The following TAOK3 variants were observed in gnomAD, a reference collection of about 807,000 sequenced individuals.
The protein encoded by TAOK3 is TAO kinase 3.
A neutral mutation model predicts 120.4 loss-of-function variants in TAOK3; 40 were observed. The observed-to-expected ratio is 0.33, with a 90% CI of 0.26 to 0.43. The LOEUF (loss-of-function observed/expected upper bound fraction) is 0.43. TAOK3 is among the 20% of genes least tolerant of loss of function. The pLI is 1.00. For missense variants in TAOK3, 821 were observed against 1,112.1 expected (o/e 0.74, Z 3.72); for synonymous variants, 355 against 387.5 (o/e 0.92, Z 0.99).
At chr12:118,230,404 C>T (rs1198824601) in intron 9 of TAOK3, among the ~76,000 whole-genome samples, 3 of 149,930 alleles carry the variant, frequency 2.0e-5, no homozygotes, top group Non-Finnish European at 4.4e-5. Context: ...TTCTATTTCT[C>T]CAAAGTTGTT....
chr12:118,265,257 C>T (rs576565425), intron 2 of TAOK3, among the ~76,000 whole-genome samples: 2 of 151,850 alleles, frequency 1.3e-5, no homozygotes, highest in East Asian at 1.9e-4. Flanking sequence ...GGCATGGTGG[C>T]GCTTGCCTGT....
At position 118,161,937 on chromosome 12, in the gene TAOK3, G is replaced by A. The variant is rs775723274; in HGVS notation, c.1990C>T (p.Leu664=). ...ESTRELEYRQ[L]HTLQKLRMDL... ...ATGCGTAGCTTCTGTAACGTGTGCA[G>A]CTGCCTGTACTCTAGCTCTCGGGTG... Residue 664 remains leucine (L), a synonymous_variant, in exon 18 of 21, where the codon CTG becomes TTG. Transcript: ENST00000392533. This position sits in a 1 kb window ranked among gnomAD's most constrained non-coding sequence, Gnocchi z 4.5. The A allele has an allele frequency of 3.1e-6, 5 of 1,614,110 alleles. No individual in the cohort carries two copies. Among genetic ancestry groups the A allele is most frequent in the Non-Finnish European group, 4.2e-6 (5 of 1,180,020 alleles).
At chr12:118,202,280 G>A (rs892083742) in intron 11 of TAOK3, among the ~76,000 whole-genome samples, 8 of 151,498 alleles carry the variant, frequency 5.3e-5, no homozygotes, top group African/African-American at 1.9e-4. Flanking sequence ...TGAACACATA[G>A]GATGTTTCCT....
rs1281829395 is a variant in TAOK3, at chr12:118,302,635, A to G, written c.-193-35876T>C. Reference sequence around the variant, plus strand: ...TTTTAATTGTGGCAAAGCAAAAAATATTTAGATGTGTTTAAAAAAATCTTC... The same window carrying G: ...TTTTAATTGTGGCAAAGCAAAAAATGTTTAGATGTGTTTAAAAAAATCTTC... On this transcript the variant is annotated intron_variant, in intron 1 of 20. Transcript: ENST00000392533. Among the ~76,000 whole-genome samples, 3 of 152,204 alleles carry G rather than the reference A, an allele frequency of 2.0e-5. No homozygotes were observed. In the East Asian group the frequency reaches 5.8e-4, roughly 29 times the overall value.
intron 11 of TAOK3, among the ~76,000 whole-genome samples, chr12:118,204,415 GAT>G (rs2038189497): frequency 6.6e-6 from 1 of 152,088 alleles, no homozygotes; most frequent in Admixed American, 6.6e-5. Flanking sequence ...AATTTAAACA[GAT>G]AAAAAATAAT....
chr12:118,200,439 T>C (rs1308872514), intron 12 of TAOK3: 1 of 152,168 alleles, frequency 6.6e-6, no homozygotes, highest in African/African-American at 2.4e-5. Context: ...TGCCCACTCT[T>C]ACTTTTCCTT....
chr12:118,354,243 G>T (rs2045299876), intron 1 of TAOK3, among the ~76,000 whole-genome samples: 1 of 152,062 alleles, frequency 6.6e-6, no homozygotes, highest in Non-Finnish European at 1.5e-5. Context: ...CAATACTCTT[G>T]CACTTTGGGG....
In TAOK3 at chr12:118,324,983, T is replaced by A. The variant is rs575760590; in HGVS notation, c.-194+47665A>T. Among the ~76,000 whole-genome samples the A allele has an allele frequency of 2.0e-5, 3 of 152,154 alleles. No individual in the cohort carries two copies. The South Asian group carries it at 6.2e-4, about 32-fold the overall frequency. On this transcript the variant is annotated intron_variant, in intron 1 of 20. Coordinates refer to ENST00000392533, the MANE Select transcript of TAOK3 (RefSeq NM_016281.4). Reference sequence around the variant, plus strand: ...GGATGGTCTCGATCTCCTGACCTTGTGATCCGCCCGCCTCGGCCTCCCAAA... The same window carrying A: ...GGATGGTCTCGATCTCCTGACCTTGAGATCCGCCCGCCTCGGCCTCCCAAA...
At chr12:118,154,835 C>T (rs370833539) in intron 19 of TAOK3, among the ~76,000 whole-genome samples, 4 of 152,120 alleles carry the variant, frequency 2.6e-5, no homozygotes, top group Non-Finnish European at 5.9e-5. Context: ...AATGTAGAAG[C>T]AGCCAAGCAT....
chr12:118,267,594 GA>G (rs1398780477), intron 1 of TAOK3, among the ~76,000 whole-genome samples: 6 of 149,600 alleles, frequency 4.0e-5, no homozygotes, highest in East Asian at 4.0e-4. Context: ...ACATTATTAA[GA>G]AAAAAATCCG....
chr12:118,219,174 G>A (rs1456412779), intron 9 of TAOK3, among the ~76,000 whole-genome samples: 1 of 152,132 alleles, frequency 6.6e-6, no homozygotes, highest in Non-Finnish European at 1.5e-5. Flanking sequence ...AACCAAGCTC[G>A]GTGTTTTTCA....
intron 11 of TAOK3, among the ~76,000 whole-genome samples, chr12:118,211,527 C>G (rs1289017956): frequency 6.6e-6 from 1 of 150,526 alleles, no homozygotes; most frequent in Non-Finnish European, 1.5e-5. Flanking sequence ...CCATTTTTTT[C>G]TTTACCTCTA....
At chr12:118,348,858 T>G (rs1395348171) in intron 1 of TAOK3, among the ~76,000 whole-genome samples, 3 of 151,096 alleles carry the variant, frequency 2.0e-5, no homozygotes, top group Non-Finnish European at 4.4e-5. Flanking sequence ...TTTTTTTTTT[T>G]TTTTTTTGAG....
chr12:118,229,289 G>A (rs150541814), intron 9 of TAOK3, among the ~76,000 whole-genome samples: 3 of 152,048 alleles, frequency 2.0e-5, no homozygotes, highest in Non-Finnish European at 2.9e-5. Flanking sequence ...TAGTAGAGGT[G>A]GGGTTTCACC....
intron 1 of TAOK3, among the ~76,000 whole-genome samples, chr12:118,268,675 C>A (rs1307570080): frequency 6.6e-6 from 1 of 152,144 alleles, no homozygotes; most frequent in African/African-American, 2.4e-5. Flanking sequence ...CTAAAATATT[C>A]CTTATGACAT....
intron 1 of TAOK3, among the ~76,000 whole-genome samples, chr12:118,324,894 G>A (rs1593547923): frequency 6.6e-6 from 1 of 151,440 alleles, no homozygotes; most frequent in East Asian, 1.9e-4. Context: ...ACAGGCGCCC[G>A]CCACCAGGCC....
At chr12:118,226,031 G>A (rs1159239050) in intron 9 of TAOK3, among the ~76,000 whole-genome samples, 2 of 152,138 alleles carry the variant, frequency 1.3e-5, no homozygotes, top group African/African-American at 4.8e-5. Context: ...TTTGAGATCA[G>A]GAGTTTGAGA....
chr12:118,316,820 T>C (rs1252933415), intron 1 of TAOK3, among the ~76,000 whole-genome samples: 2 of 152,036 alleles, frequency 1.3e-5, no homozygotes. Flanking sequence ...AATAACAAAA[T>C]CAGTTGTATT....
chr12:118,152,716 CTTTGTGTGTG>C (rs1274422396), intron 19 of TAOK3: 1 of 283,400 alleles, frequency 3.5e-6, no homozygotes, highest in East Asian at 6.1e-5. Context: ...ACACCATCCA[CTTTGTGTGTG>C]TCACACCTTG....
Sources: allele counts gnomAD v4.1 joint callset (sites outside exome capture counted in the v4.1 genomes callset), GRCh38; gene constraint gnomAD v4.1.1; non-coding constraint Gnocchi (gnomAD v3.1); transcripts MANE v1.5; gene names NCBI Gene and HGNC (gene_info 2026-07-23, HGNC 2026-07-21).